The following PLAC9 variants were observed in gnomAD, a reference collection of about 807,000 sequenced individuals.
PLAC9 encodes placenta-specific protein 9.
PLAC9 carries 12 observed loss-of-function variants against 11.5 expected under a neutral mutation model. The ratio of observed to expected loss-of-function variants is 1.05; its 90% CI spans 0.67 to 1.69. PLAC9 has a LOEUF of 1.69. Ranked by LOEUF, PLAC9 falls within the 40% of genes most tolerant of loss-of-function variation. The probability of loss-of-function intolerance (pLI) is 0.00; values close to 1 mark genes in which losing one functional copy is unlikely to be tolerated. For missense variants in PLAC9, 132 were observed against 130.5 expected, an observed-to-expected ratio of 1.01 and a Z score of -0.06; for synonymous variants, 62 against 58.1, an observed-to-expected ratio of 1.07 and a Z score of -0.31.
At chr10:80,144,807 CGGGGA>C in intron 3 of PLAC9, 88 bp from the exon 4 acceptor site, 1 of 1,309,592 alleles carries the variant, frequency 7.6e-7, no homozygotes, top group Non-Finnish European at 1.0e-6. Flanking sequence ...TCCTGGGGGC[CGGGGA>C]GGGAAGGGAA....
Position 80,142,643 on chromosome 10 carries a change from T to G in PLAC9, c.162+464T>G, listed in dbSNP as rs530216373. On this transcript the variant is annotated intron_variant, in intron 2 of 3. Coordinates refer to ENST00000372263, the MANE Select transcript of PLAC9 (RefSeq NM_001012973.3). ...AGTTATGAATATCTCAACATATAAT[T>G]TTTATCCTTCCTTATGTCAAAATTT... Among the ~76,000 whole-genome samples, 8 of 152,300 alleles carry G rather than the reference T, an allele frequency of 5.3e-5. No homozygotes were observed. In the South Asian group the frequency reaches 1.7e-3, roughly 32 times the overall value.
intron 2 of PLAC9, chr10:80,143,953 G>GA (rs1845070163): frequency 2.2e-6 from 1 of 462,468 alleles, no homozygotes; most frequent in Non-Finnish European, 3.9e-6. Flanking sequence ...GTCCAAAAGG[G>GA]AGAAGGTATT....
At chr10:80,144,398 G>A in intron 3 of PLAC9, 55 bp downstream of exon 3, 4 of 1,521,602 alleles carry the variant, frequency 2.6e-6, no homozygotes, top group Admixed American at 2.1e-5. Flanking sequence ...TCTGGCGCTG[G>A]GCAGGCGAGA....
At position 80,144,133 on chromosome 10, in the gene PLAC9, T is replaced by G. The variant is rs978786395; in HGVS notation, c.163-90T>G. On this transcript the variant is annotated intron_variant, in intron 2 of 3. Transcript: ENST00000372263. ...CCAGTCCTTTCCCACTGCACCGCAC[T>G]GGACCGCCAGCTGCTCTCTTAGGAC... 9.4e-6 allele frequency: 15 copies of G among 1,589,080 alleles called. No homozygotes were observed. The African/African-American group carries it at 1.9e-4, about 20-fold the overall frequency.
At chr10:80,142,974 C>T (rs576606497) in intron 2 of PLAC9, among the ~76,000 whole-genome samples, 3 of 152,318 alleles carry the variant, frequency 2.0e-5, no homozygotes, top group Admixed American at 6.5e-5. Flanking sequence ...CTGCCCACCT[C>T]GGCCTCCCAA....
At chr10:80,137,597 T>C (rs1369740923) in intron 1 of PLAC9, among the ~76,000 whole-genome samples, 1 of 152,152 alleles carries the variant, frequency 6.6e-6, no homozygotes, top group Non-Finnish European at 1.5e-5. Context: ...CAGCCCAGTT[T>C]CAGCTGAGAG....
chr10:80,141,679 C>A (rs1480031459), intron 1 of PLAC9, among the ~76,000 whole-genome samples: 6 of 152,166 alleles, frequency 3.9e-5, no homozygotes, highest in Admixed American at 3.9e-4. Context: ...AGCTCTGCCC[C>A]CTTGGCTTCA....
chr10:80,143,111 T>C (rs1271538706), intron 2 of PLAC9, among the ~76,000 whole-genome samples: 1 of 151,856 alleles, frequency 6.6e-6, no homozygotes, highest in Non-Finnish European at 1.5e-5. Context: ...CAATCTTGGC[T>C]CACTGCAACC....
chr10:80,138,682 C>T (rs1018619719), intron 1 of PLAC9, among the ~76,000 whole-genome samples: 2 of 152,128 alleles, frequency 1.3e-5, no homozygotes, highest in Non-Finnish European at 2.9e-5. Context: ...GATGGTGTGA[C>T]CTTGGGGAAA....
At chr10:80,137,742 C>G (rs770709910) in intron 1 of PLAC9, among the ~76,000 whole-genome samples, 17 of 152,042 alleles carry the variant, frequency 1.1e-4, no homozygotes, top group Non-Finnish European at 2.1e-4. Flanking sequence ...TAGTGAAATC[C>G]TATCTCTACA....
chr10:80,142,119 T>G lies in PLAC9; in HGVS notation c.102T>G (p.Ala34=). 6.2e-7 allele frequency: 1 copy of G among 1,611,494 alleles called. No homozygotes were observed. The highest frequency in any genetic ancestry group is 8.5e-7 in the Non-Finnish European group (1 of 1,178,020). Residue 34 remains alanine (A), a synonymous_variant, in exon 2 of 4, where the codon GCT becomes GCG. Transcript: ENST00000372263. Reference sequence around the variant, plus strand: ...TCAGCCCTCCGCGAGGAGACTCAGCTCAGAGCACAGCGTGTGACAGACACA... The same window carrying G: ...TCAGCCCTCCGCGAGGAGACTCAGCGCAGAGCACAGCGTGTGACAGACACA... The part of the protein sequence containing the change: ...EPFSPPRGDS[A]QSTACDRHMA...
At chr10:80,139,616 T>C (rs1368958564) in intron 1 of PLAC9, among the ~76,000 whole-genome samples, 1 of 152,202 alleles carries the variant, frequency 6.6e-6, no homozygotes, top group African/African-American at 2.4e-5. Flanking sequence ...GCACATCCCC[T>C]TTTGAAGCCC....
At chr10:80,134,265 C>CTTTTTT (rs559784722) in intron 1 of PLAC9, among the ~76,000 whole-genome samples, 4 of 134,646 alleles carry the variant, frequency 3.0e-5, no homozygotes, top group African/African-American at 5.5e-5. Flanking sequence ...TTCTTTCTTT[C>CTTTTTT]TTTTTTTTTT....
At chr10:80,137,225 C>A (rs1844989612) in intron 1 of PLAC9, among the ~76,000 whole-genome samples, 1 of 152,214 alleles carries the variant, frequency 6.6e-6, no homozygotes, top group African/African-American at 2.4e-5. Context: ...TCAGCCCAGC[C>A]TTTTCCCTGG....
chr10:80,132,810 C>T lies in PLAC9; in HGVS notation c.48C>T (p.Ala16=), dbSNP rs774564686. The T allele has an allele frequency of 8.0e-6, 12 of 1,497,414 alleles. No homozygotes were observed. The South Asian group carries it at 1.4e-4, about 17-fold the overall frequency. 92.8% of individuals were successfully genotyped at this position (1,497,414 alleles called of 1,614,324 possible). ...TGACCGGACTGGCCCTGCTCCGCGC[C>T]GCGGGCTCTTTGGCCGGTGAGTGGG... is the stretch of plus-strand genomic sequence containing the variant. ...CALTGLALLR[A]AGSLAAAEPF... is the part of the protein sequence containing the mutation. The change falls in exon 1 of 4, where the codon GCC becomes GCT. Residue 16 remains alanine, a synonymous_variant. Transcript: ENST00000372263.
rs1564591727 is a variant in PLAC9, at chr10:80,144,932, A to C, written c.*22A>C. 1.9e-6 allele frequency: 3 copies of C among 1,570,724 alleles called. No individual in the cohort carries two copies. In the African/African-American group the frequency reaches 4.0e-5, roughly 21 times the overall value. On this transcript the variant is annotated 3_prime_UTR_variant, in exon 4 of 4. Transcript: ENST00000372263. ...CTGAGCCCTGGAGCTGGAGCCCAGC[A>C]GTTGGAGGTGGTGCACCTGCCAGGC...
At chr10:80,141,987 T>A in intron 1 of PLAC9, 95 bp from the exon 2 acceptor site, 1 of 968,850 alleles carries the variant, frequency 1.0e-6, no homozygotes, top group South Asian at 1.8e-5. Flanking sequence ...GAGTTTGCTT[T>A]GAGGACTGAC....
chr10:80,138,860 T>C (rs186931503), intron 1 of PLAC9, among the ~76,000 whole-genome samples: 12 of 152,308 alleles, frequency 7.9e-5, no homozygotes, highest in Admixed American at 4.6e-4. Context: ...ACTCCCCCTA[T>C]TGAGCTTTGG....
chr10:80,139,028 T>C lies in PLAC9; in HGVS notation c.65-3054T>C, dbSNP rs1339769476. Reference sequence around the variant, plus strand: ...GTGCAGTGGCGCGATCTCCACTCACTGCAAGCTCTGCCTCCCGGGTTCACG... The same window carrying C: ...GTGCAGTGGCGCGATCTCCACTCACCGCAAGCTCTGCCTCCCGGGTTCACG... On this transcript the variant is annotated intron_variant, in intron 1 of 3. Coordinates refer to ENST00000372263, the MANE Select transcript of PLAC9 (RefSeq NM_001012973.3). Among the ~76,000 whole-genome samples, 3 of 148,300 alleles carry C rather than the reference T, an allele frequency of 2.0e-5. No homozygotes were observed. In the Admixed American group the frequency reaches 2.0e-4, roughly 10 times the overall value.
Sources: gnomAD v4.1 joint callset for allele counts (sites outside exome capture counted in the v4.1 genomes callset) on GRCh38, gnomAD v4.1.1 for gene constraint, MANE v1.5 for transcripts, NCBI Gene and HGNC (gene_info 2026-07-23, HGNC 2026-07-21) for gene names.